The following ANAPC16 variants were observed in gnomAD, a reference collection of about 807,000 sequenced individuals.
ANAPC16 encodes anaphase promoting complex subunit 16.
In ANAPC16, 6 loss-of-function variants were observed where a neutral mutation model predicts 13.1. That is an observed-to-expected ratio of 0.46 (90% CI 0.25 to 0.90). The LOEUF (loss-of-function observed/expected upper bound fraction) is 0.90. Among genes scored for constraint, ANAPC16 ranks in the 40% least tolerant of loss-of-function variants. The pLI is 0.18. For missense variants in ANAPC16, 113 were observed against 131.1 expected (o/e 0.86, Z 0.67); for synonymous variants, 55 against 51.3 (o/e 1.07, Z -0.31).
At position 72,233,098 on chromosome 10, in the gene ANAPC16, C is replaced by T. The variant is rs1268194024; in HGVS notation, c.315C>T (p.Phe105=). ...RFKPIEQLLG[F]TPSSG ...AGCCCATCGAGCAGCTGCTGGGATT[C>T]ACCCCCTCTTCAGGTTGATACTGCC... The change falls in exon 4 of 4, where the codon TTC becomes TTT. Residue 105 remains phenylalanine, a synonymous_variant. Coordinates refer to ENST00000299381, the MANE Select transcript of ANAPC16 (RefSeq NM_173473.4). 2 of 1,614,090 alleles carry T rather than the reference C, an allele frequency of 1.2e-6. No individual in the cohort carries two copies. The highest frequency in any genetic ancestry group is 3.3e-5 in the Admixed American group (2 of 60,018).
chr10:72,230,671 G>C (rs1470607802), intron 3 of ANAPC16, among the ~76,000 whole-genome samples: 3 of 152,068 alleles, frequency 2.0e-5, no homozygotes, highest in African/African-American at 7.3e-5. Flanking sequence ...GAGGCGGGTG[G>C]ATCACTTGAG....
chr10:72,230,249 A>G (rs571989950), intron 2 of ANAPC16, 117 bp from the exon 3 acceptor site: 17 of 694,098 alleles, frequency 2.4e-5, no homozygotes, highest in Non-Finnish European at 4.2e-5. Context: ...CTTTGTAAAC[A>G]CTGAGAACTA....
chr10:72,230,066 A>AC (rs1860247835), intron 2 of ANAPC16, among the ~76,000 whole-genome samples: 1 of 151,920 alleles, frequency 6.6e-6, no homozygotes, highest in South Asian at 2.1e-4. Flanking sequence ...ACATTAAGGA[A>AC]CTCTCAGGTT....
intron 2 of ANAPC16, 57 bp downstream of exon 2, chr10:72,224,113 G>T: frequency 7.0e-7 from 1 of 1,437,600 alleles, no homozygotes; most frequent in Non-Finnish European, 9.3e-7. Flanking sequence ...CATATTAATT[G>T]TAAAGAAGCT....
intron 3 of ANAPC16, among the ~76,000 whole-genome samples, 169 bp downstream of exon 3, chr10:72,230,609 T>C (rs563239390): frequency 6.6e-6 from 1 of 152,268 alleles, no homozygotes; most frequent in South Asian, 2.1e-4. Flanking sequence ...AGGCTTAAGG[T>C]TGGGGCCGAG....
At position 72,233,557 on chromosome 10, in the gene ANAPC16, A is replaced by G. The variant is rs1242136470; in HGVS notation, c.*441A>G. 6.3e-6 allele frequency: 1 copy of G among 157,496 alleles called. No homozygotes were observed. The highest frequency in any genetic ancestry group is 1.8e-4 in the East Asian group (1 of 5,476). The allele number at this position is 157,496 out of a possible 1,614,324, so 9.8% of individuals were successfully genotyped here. A position where few individuals can be genotyped will look rare whatever the true frequency, so the allele number is the denominator to read the frequency against. ...CCTAAAAAAGTTATTTTGCAGATGA[A>G]TGTGTTTTCAACTCAGGACCTATCC... On this transcript the variant is annotated 3_prime_UTR_variant, in exon 4 of 4. Coordinates refer to ENST00000299381, the MANE Select transcript of ANAPC16 (RefSeq NM_173473.4).
At chr10:72,229,160 AAC>A (rs902964135) in intron 2 of ANAPC16, among the ~76,000 whole-genome samples, 2 of 152,064 alleles carry the variant, frequency 1.3e-5, no homozygotes, top group African/African-American at 4.8e-5. Flanking sequence ...TACAGAATGT[AAC>A]ACTGTCTCTG....
intron 1 of ANAPC16, chr10:72,216,883 C>T (rs1000753386): frequency 4.4e-6 from 2 of 456,030 alleles, no homozygotes; most frequent in African/African-American, 4.0e-5. Flanking sequence ...TTTTACTGGG[C>T]ACCTCCGGTG....
chr10:72,233,113 T>C lies in ANAPC16; in HGVS notation c.330T>C (p.Gly110=), dbSNP rs145808346. Residue 110 remains glycine (G), a synonymous_variant, in exon 4 of 4, where the codon GGT becomes GGC. Coordinates refer to ENST00000299381, the MANE Select transcript of ANAPC16 (RefSeq NM_173473.4). ...EQLLGFTPSS[G] is the part of the protein sequence containing the mutation. Reference sequence around the variant, plus strand: ...TGCTGGGATTCACCCCCTCTTCAGGTTGATACTGCCTGGATGGTCACCTCT... The same window carrying C: ...TGCTGGGATTCACCCCCTCTTCAGGCTGATACTGCCTGGATGGTCACCTCT... 6.7e-5 allele frequency: 108 copies of C among 1,613,720 alleles called. No individual in the cohort carries two copies. The African/African-American group carries it at 1.4e-3, about 21-fold the overall frequency.
At chr10:72,222,213 A>G (rs1412644288) in intron 1 of ANAPC16, among the ~76,000 whole-genome samples, 1 of 149,134 alleles carries the variant, frequency 6.7e-6, no homozygotes, top group African/African-American at 2.5e-5. Context: ...AGGTCAAGAG[A>G]TGGAGACCAT....
chr10:72,220,325 C>CAAAAAAAAAAAAAAAAAAAAAAAAAAA (rs75738117), intron 1 of ANAPC16: 1 of 63,716 alleles, frequency 1.6e-5, no homozygotes, highest in African/African-American at 5.4e-5. Context: ...AACTCCGTCT[C>CAAAAAAAAAAAAAAAAAAAAAAAAAAA]AAAAAAAAAA....
chr10:72,228,768 G>C (rs904404039), intron 2 of ANAPC16, among the ~76,000 whole-genome samples: 3 of 152,230 alleles, frequency 2.0e-5, no homozygotes. Flanking sequence ...TAGTGTGGTG[G>C]AGTGAAATGC....
At chr10:72,228,848 AATATCACAACTTAACTATTTTATCCT>A (rs1860205280) in intron 2 of ANAPC16, among the ~76,000 whole-genome samples, 1 of 152,222 alleles carries the variant, frequency 6.6e-6, no homozygotes, top group African/African-American at 2.4e-5. Context: ...AAAATATGCA[AATATCACAACTTAACTATTTTATCCT>A]AATGGTGCCT....
chr10:72,229,779 C>T (rs1176114734), intron 2 of ANAPC16, among the ~76,000 whole-genome samples: 1 of 152,146 alleles, frequency 6.6e-6, no homozygotes, highest in Non-Finnish European at 1.5e-5. Flanking sequence ...TCTGAACTTG[C>T]ACCATACTCT....
chr10:72,232,505 T>C (rs939317307), intron 3 of ANAPC16, among the ~76,000 whole-genome samples: 17 of 149,900 alleles, frequency 1.1e-4, no homozygotes, highest in African/African-American at 3.2e-4. Flanking sequence ...GATCGCGCCA[T>C]TGCACTGCAG....
intron 1 of ANAPC16, chr10:72,223,134 C>G (rs1432863398): frequency 7.8e-6 from 1 of 127,738 alleles, no homozygotes; most frequent in East Asian, 2.2e-4. Flanking sequence ...GTCGCCCAGG[C>G]TCACTGCAAC....
intron 1 of ANAPC16, among the ~76,000 whole-genome samples, chr10:72,216,463 A>G (rs902619661): frequency 1.0e-4 from 1 of 9,886 alleles, no homozygotes; most frequent in African/African-American, 3.4e-4. Flanking sequence ...CTCCACGCCC[A>G]CCCCCGCCCC....
At chr10:72,220,353 A>G (rs1281038350) in intron 1 of ANAPC16, 2 of 150,638 alleles carry the variant, frequency 1.3e-5, no homozygotes, top group Non-Finnish European at 2.9e-5. Flanking sequence ...AGAAGAGAAA[A>G]GAAAACATAA....
chr10:72,234,419 T>C lies in ANAPC16; in HGVS notation c.*1303T>C, dbSNP rs1246530861. The C allele has an allele frequency of 1.3e-5, 2 of 152,426 alleles. No individual in the cohort carries two copies. Among genetic ancestry groups the C allele is most frequent in the African/African-American group, 2.4e-5 (1 of 41,562 alleles). 9.4% of individuals were successfully genotyped at this position (152,426 alleles called of 1,614,324 possible). The stretch of plus-strand genomic sequence containing the variant: ...CTCCAAAGTGCTGGGATTACAGGCA[T>C]GAGCCACCGCGCCTGGCCTCAAGTA... On this transcript the variant is annotated 3_prime_UTR_variant, in exon 4 of 4. Coordinates refer to ENST00000299381, the MANE Select transcript of ANAPC16 (RefSeq NM_173473.4).
Sources: gnomAD v4.1 joint callset for allele counts (sites outside exome capture counted in the v4.1 genomes callset) on GRCh38, gnomAD v4.1.1 for gene constraint, MANE v1.5 for transcripts, NCBI Gene and HGNC (gene_info 2026-07-23, HGNC 2026-07-21) for gene names.